Variants in PTPRT observed in about 807,000 individuals in gnomAD.
PTPRT encodes protein tyrosine phosphatase receptor type T, also known as receptor-type tyrosine-protein phosphatase T.
In PTPRT, 56 loss-of-function variants were observed where a neutral mutation model predicts 176.8. The ratio of observed to expected loss-of-function variants is 0.32; its 90% CI spans 0.26 to 0.40. The LOEUF is 0.40. Ranked by LOEUF, PTPRT falls within the 10% of genes least tolerant of loss-of-function variation. PTPRT has a pLI of 1.00. For missense variants in PTPRT, 1,540 were observed against 1,908.2 expected (o/e 0.81, Z 3.60); for synonymous variants, 783 against 739.0 (o/e 1.06, Z -0.96).
intron 1 of PTPRT, among the ~76,000 whole-genome samples, chr20:43,070,311 A>G (rs1225051941): frequency 3.3e-5 from 5 of 152,160 alleles, no homozygotes; most frequent in Non-Finnish European, 7.3e-5. Flanking sequence ...CGATCATTAA[A>G]AAGTCAGGAA....
At chr20:42,803,437 T>C (rs2077559208) in intron 2 of PTPRT, among the ~76,000 whole-genome samples, 1 of 152,224 alleles carries the variant, frequency 6.6e-6, no homozygotes, top group Admixed American at 6.5e-5. Context: ...AACCTGGCGA[T>C]CATGCCAGTT....
chr20:42,043,626 C>A, the PTPRT span, among the ~76,000 whole-genome samples: 5 of 152,050 alleles, frequency 3.3e-5, no homozygotes, highest in African/African-American at 1.2e-4. Flanking sequence ...GAGCAGAGTC[C>A]CCTTGCAGAG....
At chr20:42,941,431 G>A (rs1380979334) in intron 1 of PTPRT, among the ~76,000 whole-genome samples, 1 of 152,056 alleles carries the variant, frequency 6.6e-6, no homozygotes, top group African/African-American at 2.4e-5. Context: ...AATATACCTG[G>A]TCATCTAGAA....
intron 6 of PTPRT, among the ~76,000 whole-genome samples, chr20:42,691,327 C>T (rs902185753): frequency 2.0e-5 from 3 of 152,204 alleles, no homozygotes; most frequent in East Asian, 1.9e-4. Flanking sequence ...TCAGTTGCTA[C>T]GCTACCAGCC....
At position 42,183,632 on chromosome 20, in the gene PTPRT, A is replaced by G. The variant is rs144717814; in HGVS notation, c.2491+15608T>C. 4.3e-3 allele frequency among the ~76,000 whole-genome samples: 652 copies of G among 152,280 alleles called. 5 individuals are homozygous for G. The highest frequency in any genetic ancestry group is 4.5e-3 in the Non-Finnish European group (305 of 68,004). ...GACTTTCCCACCTCTATGCCCCTGT[A>G]TATGTATTCTTTTATTTTAGAATAA... is the stretch of plus-strand genomic sequence containing the variant. On this transcript the variant is annotated intron_variant, in intron 16 of 30. Coordinates refer to ENST00000373187, the MANE Select transcript of PTPRT (RefSeq NM_007050.6).
chr20:42,543,413 A>T (rs1315792403), intron 7 of PTPRT, among the ~76,000 whole-genome samples: 1 of 152,132 alleles, frequency 6.6e-6, no homozygotes, highest in African/African-American at 2.4e-5. Flanking sequence ...ATTTGTTAAA[A>T]TTTTATCATG....
intron 15 of PTPRT, among the ~76,000 whole-genome samples, chr20:42,213,749 C>A (rs900329695): frequency 6.6e-6 from 1 of 151,954 alleles, no homozygotes; most frequent in Non-Finnish European, 1.5e-5. Context: ...CTGGTGGGCA[C>A]CACCAGCTGC....
At chr20:42,289,805 C>A (rs755283598) in intron 12 of PTPRT, among the ~76,000 whole-genome samples, 2 of 152,040 alleles carry the variant, frequency 1.3e-5, no homozygotes, top group African/African-American at 2.4e-5. Context: ...TAAAATCACC[C>A]CTTCAGCACC....
At chr20:42,920,927 C>T (rs910340735) in intron 1 of PTPRT, among the ~76,000 whole-genome samples, 2 of 152,088 alleles carry the variant, frequency 1.3e-5, no homozygotes, top group African/African-American at 4.8e-5. Flanking sequence ...TTTCTTCATC[C>T]CCTTCATTAG....
At position 42,472,335 on chromosome 20, in the gene PTPRT, G is replaced by T. The variant is rs368318585; in HGVS notation, c.1381C>A (p.Arg461=). ...GLRPFMTIRL[R]LLLSNPEGRM... The stretch of plus-strand genomic sequence containing the variant: ...CCCTCGGGGTTAGACAGCAAGAGTC[G>T]CAGCCGGATGGTCATGAAGGGGCGC... Residue 461 remains arginine, a synonymous_variant, in exon 8 of 31, where the codon CGA becomes AGA. Coordinates refer to ENST00000373187, the MANE Select transcript of PTPRT (RefSeq NM_007050.6). 37 of 1,614,076 alleles carry T rather than the reference G, an allele frequency of 2.3e-5. No individual in the cohort carries two copies. Among genetic ancestry groups the T allele is most frequent in the Non-Finnish European group, 2.9e-5 (34 of 1,180,048 alleles).
At chr20:43,074,067 T>C (rs1289508093) in intron 1 of PTPRT, among the ~76,000 whole-genome samples, 2 of 152,190 alleles carry the variant, frequency 1.3e-5, no homozygotes, top group Non-Finnish European at 2.9e-5. Flanking sequence ...CTGTGCTTTA[T>C]ATACAAACAT....
At chr20:43,178,183 CA>C (rs2015164138) in intron 1 of PTPRT, among the ~76,000 whole-genome samples, 1 of 152,150 alleles carries the variant, frequency 6.6e-6, no homozygotes, top group Non-Finnish European at 1.5e-5. Flanking sequence ...AAAATGATCT[CA>C]AAACTGCAAC....
At chr20:42,687,115 T>G (rs1282652528) in intron 6 of PTPRT, 1 of 152,042 alleles carries the variant, frequency 6.6e-6, no homozygotes, top group Non-Finnish European at 1.5e-5. Flanking sequence ...AATATCATCA[T>G]CCTCCCAACC....
intron 18 of PTPRT, among the ~76,000 whole-genome samples, chr20:42,134,811 C>T (rs1367456334): frequency 1.3e-5 from 2 of 152,186 alleles, no homozygotes; most frequent in Non-Finnish European, 2.9e-5. Flanking sequence ...GAGTCAGCTA[C>T]AGAACACCAC....
At chr20:42,576,817 CTTAT>C (rs1205218994) in intron 7 of PTPRT, among the ~76,000 whole-genome samples, 1 of 152,184 alleles carries the variant, frequency 6.6e-6, no homozygotes, top group Non-Finnish European at 1.5e-5. Context: ...AATTTCTTCA[CTTAT>C]TTATTCATTC....
At chr20:42,691,532 G>GT (rs1396368220) in intron 6 of PTPRT, among the ~76,000 whole-genome samples, 5 of 152,304 alleles carry the variant, frequency 3.3e-5, no homozygotes, top group African/African-American at 1.2e-4. Context: ...GATGGATTAA[G>GT]AGGCTTATCC....
At chr20:42,172,187 T>C (rs1990106272) in intron 16 of PTPRT, among the ~76,000 whole-genome samples, 1 of 151,902 alleles carries the variant, frequency 6.6e-6, no homozygotes, top group Non-Finnish European at 1.5e-5. Flanking sequence ...AAAAACATAG[T>C]CATTGAAAAT....
intron 1 of PTPRT, among the ~76,000 whole-genome samples, chr20:42,917,403 C>T (rs1978844243): frequency 6.6e-6 from 1 of 152,142 alleles, no homozygotes; most frequent in Non-Finnish European, 1.5e-5. Context: ...CGCGATGCCT[C>T]CAGCTTTGTT....
chr20:42,839,798 T>G (rs1600816074), intron 2 of PTPRT, among the ~76,000 whole-genome samples: 1 of 152,192 alleles, frequency 6.6e-6, no homozygotes, highest in South Asian at 2.1e-4. Flanking sequence ...AGGTTGTGGT[T>G]TGCAAATTTG....
Sources: gnomAD v4.1 joint callset for allele counts (sites outside exome capture counted in the v4.1 genomes callset) on GRCh38, gnomAD v4.1.1 for gene constraint, MANE v1.5 for transcripts, NCBI Gene and HGNC (gene_info 2026-07-23, HGNC 2026-07-21) for gene names.